The following ASTN2 variants were observed in gnomAD, a reference collection of about 807,000 sequenced individuals.
ASTN2 encodes the protein astrotactin 2.
A neutral mutation model predicts 139.8 loss-of-function variants in ASTN2; 54 were observed. The observed-to-expected ratio is 0.39, with a 90% confidence interval of 0.31 to 0.48. The LOEUF is 0.48. ASTN2 is among the 20% of genes least tolerant of loss of function. The pLI, the probability that ASTN2 is intolerant of heterozygous loss-of-function variation, is 0.95. For synonymous variants in ASTN2, 756 were observed against 719.5 expected (o/e 1.05, Z -0.81); for missense variants, 1,565 against 1,725.1 (o/e 0.91, Z 1.64).
intron 1 of ASTN2, among the ~76,000 whole-genome samples, chr9:117,305,399 G>A (rs1834974470): frequency 6.6e-6 from 1 of 152,114 alleles, no homozygotes; most frequent in Non-Finnish European, 1.5e-5. Context: ...AAACCAAGAG[G>A]CTCAACAGGA....
intron 2 of ASTN2, among the ~76,000 whole-genome samples, chr9:117,285,685 A>G (rs1292507942): frequency 2.0e-5 from 3 of 152,198 alleles, no homozygotes; most frequent in Non-Finnish European, 2.9e-5. Flanking sequence ...TTGCCTGCAC[A>G]AACTCAGGGA....
intron 11 of ASTN2, among the ~76,000 whole-genome samples, chr9:116,823,259 G>C (rs888875166): frequency 6.6e-6 from 1 of 152,212 alleles, no homozygotes; most frequent in Non-Finnish European, 1.5e-5. Flanking sequence ...GCGGAGGAGA[G>C]GGTCACACAG....
intron 19 of ASTN2, among the ~76,000 whole-genome samples, chr9:116,536,804 G>A (rs1041948504): frequency 1.3e-5 from 2 of 152,338 alleles, no homozygotes; most frequent in Admixed American, 6.5e-5. Flanking sequence ...TCAGGGGTCA[G>A]GGACCCACTT....
chr9:116,909,945 G>T (rs781118000), intron 10 of ASTN2, among the ~76,000 whole-genome samples: 4 of 152,136 alleles, frequency 2.6e-5, no homozygotes, highest in East Asian at 1.9e-4. Context: ...GGAAGGATGA[G>T]AGCCCTGGTG....
intron 1 of ASTN2, among the ~76,000 whole-genome samples, chr9:117,387,846 A>G (rs1000585477): frequency 1.3e-5 from 2 of 152,182 alleles, no homozygotes; most frequent in Non-Finnish European, 2.9e-5. Context: ...ATGAAATCCT[A>G]AAACTACTTC....
At position 117,008,276 on chromosome 9, in the gene ASTN2, A is replaced by G; in HGVS notation, c.1424-17T>C. On this transcript the variant is annotated splice_polypyrimidine_tract_variant and intron_variant, in intron 6 of 22. Transcript: ENST00000313400. ...AGCTGCTTCCTATGGGTGAACGGAG[A>G]GACAGATACTTTCTTACTGATTTTA... The G allele has an allele frequency of 6.4e-7, 1 of 1,568,738 alleles. No homozygotes were observed. Among genetic ancestry groups the G allele is most frequent in the African/African-American group, 1.3e-5 (1 of 74,362 alleles).
intron 1 of ASTN2, among the ~76,000 whole-genome samples, chr9:117,405,460 C>T (rs1039112870): frequency 6.6e-6 from 1 of 152,164 alleles, no homozygotes; most frequent in African/African-American, 2.4e-5. Context: ...GGACATAGTA[C>T]ATGTTACATA....
At chr9:117,071,605 C>T (rs1033802906) in intron 5 of ASTN2, among the ~76,000 whole-genome samples, 3 of 150,060 alleles carry the variant, frequency 2.0e-5, no homozygotes, top group Admixed American at 6.6e-5. Context: ...CGCCCCTCCC[C>T]CAGCCTCGCT....
chr9:117,078,399 G>A (rs1828335789), intron 5 of ASTN2, among the ~76,000 whole-genome samples: 1 of 151,968 alleles, frequency 6.6e-6, no homozygotes, highest in African/African-American at 2.4e-5. Flanking sequence ...ATGGTCTTTT[G>A]TATCCCAAAG....
chr9:117,009,350 A>C (rs939487026), intron 6 of ASTN2, among the ~76,000 whole-genome samples: 2 of 152,176 alleles, frequency 1.3e-5, no homozygotes, highest in African/African-American at 4.8e-5. Flanking sequence ...GTATAATAAT[A>C]ATCTATGTAG....
At chr9:116,967,215 T>A (rs554498423) in intron 10 of ASTN2, among the ~76,000 whole-genome samples, 1 of 152,292 alleles carries the variant, frequency 6.6e-6, no homozygotes, top group East Asian at 1.9e-4. Context: ...TCTCATTCCA[T>A]TCTCAAAAAA....
chr9:117,011,212 T>C (rs1306422830), intron 6 of ASTN2, among the ~76,000 whole-genome samples: 2 of 152,214 alleles, frequency 1.3e-5, no homozygotes, highest in Non-Finnish European at 1.5e-5. Flanking sequence ...ATGAAAGAGA[T>C]TGGCTTGAAA....
chr9:116,824,926 G>A (rs1182158487), intron 11 of ASTN2, among the ~76,000 whole-genome samples: 1 of 152,116 alleles, frequency 6.6e-6, no homozygotes, highest in African/African-American at 2.4e-5. Context: ...TAAAAACTCT[G>A]CAAACTAGGC....
intron 1 of ASTN2, among the ~76,000 whole-genome samples, chr9:117,329,614 G>T (rs183192755): frequency 3.9e-5 from 6 of 152,250 alleles, no homozygotes; most frequent in East Asian, 3.9e-4. Context: ...AATGACAAAG[G>T]GGGGTGGACA....
intron 5 of ASTN2, among the ~76,000 whole-genome samples, chr9:117,060,510 AAAGG>A (rs1168618485): frequency 0.013 from 1,074 of 81,568 alleles, 80 homozygotes; most frequent in Middle Eastern, 0.033. Flanking sequence ...AGAAAGAAAG[AAAGG>A]AAGGAAGGAA....
At chr9:117,156,627 A>C (rs1374522249) in intron 3 of ASTN2, among the ~76,000 whole-genome samples, 1 of 152,038 alleles carries the variant, frequency 6.6e-6, no homozygotes, top group African/African-American at 2.4e-5. Context: ...GAGATTCCTA[A>C]CTAAGGAAAG....
chr9:116,971,396 G>A (rs755750109), intron 10 of ASTN2, among the ~76,000 whole-genome samples: 1 of 152,182 alleles, frequency 6.6e-6, no homozygotes, highest in African/African-American at 2.4e-5. Context: ...AATTGGCAAT[G>A]TTCTCTCTCT....
At chr9:116,670,768 T>C (rs1859150713) in intron 16 of ASTN2, among the ~76,000 whole-genome samples, 1 of 152,190 alleles carries the variant, frequency 6.6e-6, no homozygotes, top group Non-Finnish European at 1.5e-5. Context: ...AGCCTTCATT[T>C]AGCATTAAGT....
intron 2 of ASTN2, among the ~76,000 whole-genome samples, chr9:117,282,477 C>T (rs998406352): frequency 6.6e-6 from 1 of 152,186 alleles, no homozygotes; most frequent in Non-Finnish European, 1.5e-5. Flanking sequence ...GGATGAAGAA[C>T]ATCCATTCTC....
Sources: gnomAD v4.1 joint callset for allele counts (sites outside exome capture counted in the v4.1 genomes callset) on GRCh38, gnomAD v4.1.1 for gene constraint, MANE v1.5 for transcripts, NCBI Gene and HGNC (gene_info 2026-07-23, HGNC 2026-07-21) for gene names.